NEDD4: variants seen among roughly 807,000 people sequenced by gnomAD.
The protein encoded by NEDD4 is E3 ubiquitin-protein ligase NEDD4.
A neutral mutation model predicts 144.9 loss-of-function variants in NEDD4; 99 were observed. That is an observed-to-expected ratio of 0.68 (90% CI 0.58 to 0.81). The LOEUF is 0.81. Ranked by LOEUF, NEDD4 falls within the 30% of genes least tolerant of loss-of-function variation. The pLI, the probability that NEDD4 is intolerant of heterozygous loss-of-function variation, is 0.00. For missense variants in NEDD4, 985 were observed against 1,065.9 expected (o/e 0.92, Z 1.06); for synonymous variants, 318 against 350.6 (o/e 0.91, Z 1.04).
At chr15:55,886,653 G>C (rs975947692) in intron 5 of NEDD4, among the ~76,000 whole-genome samples, 1 of 151,800 alleles carries the variant, frequency 6.6e-6, no homozygotes, top group Admixed American at 6.6e-5. Flanking sequence ...AGCTACTCGG[G>C]AGGCTGAGGC....
In NEDD4 at chr15:55,829,991, C is replaced by T. The variant is rs373654655; in HGVS notation, c.2609G>A (p.Arg870His). The T allele has an allele frequency of 6.8e-6, 11 of 1,610,610 alleles. No individual in the cohort carries two copies. The highest frequency in any genetic ancestry group is 6.7e-5 in the African/African-American group (5 of 74,770). ...TGATTCATAAGGTGGCAAGTCCAGG[C>T]GATTAAAACTGAAAGAACAGAGAGG... Reference protein sequence around the residue: ...KLPRAHTCFNRLDLPPYESFE... With the variant: ...KLPRAHTCFNHLDLPPYESFE... Residue 870 changes from arginine (R) to histidine (H), a missense_variant, in exon 29 of 29, where the codon CGC becomes CAC. Physicochemically the swap from Arg to His is conservative, Grantham distance 29. Coordinates refer to ENST00000435532, the MANE Select transcript of NEDD4 (RefSeq NM_006154.4).
intron 5 of NEDD4, among the ~76,000 whole-genome samples, chr15:55,888,363 A>G (rs1465098784): frequency 6.6e-6 from 1 of 152,200 alleles, no homozygotes; most frequent in Non-Finnish European, 1.5e-5. Flanking sequence ...ATAAATCAAG[A>G]AGGCAATCCT....
At chr15:55,845,909 C>T (rs909756152) in intron 18 of NEDD4, among the ~76,000 whole-genome samples, 7 of 151,518 alleles carry the variant, frequency 4.6e-5, no homozygotes, top group South Asian at 4.2e-4. Flanking sequence ...CCTCAGCCTC[C>T]GGAGTAGCCG....
chr15:55,943,349 G>C (rs1225984268), intron 4 of NEDD4, among the ~76,000 whole-genome samples: 1 of 152,156 alleles, frequency 6.6e-6, no homozygotes, highest in Admixed American at 6.5e-5. Context: ...CTTTGTGGCA[G>C]CTCCTCCTAT....
At chr15:55,856,689 G>C (rs1050102404) in intron 11 of NEDD4, among the ~76,000 whole-genome samples, 2 of 152,136 alleles carry the variant, frequency 1.3e-5, no homozygotes, top group Non-Finnish European at 1.5e-5. Flanking sequence ...AGAAAACAAT[G>C]CTTCCTGAAC....
chr15:55,915,001 G>C (rs1191985345), intron 5 of NEDD4, among the ~76,000 whole-genome samples: 2 of 151,990 alleles, frequency 1.3e-5, no homozygotes, highest in Non-Finnish European at 2.9e-5. Flanking sequence ...AGTTTGTTTT[G>C]TTGTAGAAAG....
At chr15:55,905,291 A>G (rs996712549) in intron 5 of NEDD4, 2 of 455,866 alleles carry the variant, frequency 4.4e-6, no homozygotes, top group South Asian at 1.6e-5. Flanking sequence ...GCTGTAAAAC[A>G]TAACTGGCAA....
chr15:55,848,260 C>A (rs903064246), intron 17 of NEDD4, 112 bp downstream of exon 17: 4 of 956,692 alleles, frequency 4.2e-6, no homozygotes, highest in Non-Finnish European at 6.7e-6. Context: ...GAGGAGAGAA[C>A]GGCCAATGTG....
At chr15:55,951,639 C>T (rs1270293753) in intron 2 of NEDD4, 50 bp from the exon 3 acceptor site, 3 of 1,337,432 alleles carry the variant, frequency 2.2e-6, no homozygotes, top group South Asian at 1.7e-5. Flanking sequence ...TATTGCTTAC[C>T]CCAAGCTCAG....
Position 55,862,951 on chromosome 15 carries a change from A to C in NEDD4, c.636T>G (p.His212Gln). The part of the protein sequence containing the change: ...DILGRTYYVN[H>Q]ESRRTQWKRP... ...TTTTCCACTGTGTTCTTCTAGATTC[A>C]TGGTTTACATAATAGGTCCTTCCAA... Residue 212 changes from histidine (H) to glutamine (Q), a missense_variant, in exon 9 of 29, where the codon CAT becomes CAG. Physicochemically the swap from His to Gln is conservative, Grantham distance 24. Transcript: ENST00000435532. 6.2e-7 allele frequency: 1 copy of C among 1,610,354 alleles called. No homozygotes were observed. The highest frequency in any genetic ancestry group is 8.5e-7 in the Non-Finnish European group (1 of 1,177,514).
Position 55,850,490 on chromosome 15 carries a change from T to C in NEDD4, c.1347+52A>G, listed in dbSNP as rs1350367282. On this transcript the variant is annotated intron_variant, in intron 14 of 28. Transcript: ENST00000435532. ...CTTAAAGATTTTAAGGAACTATACA[T>C]AAGAGATGATTATTGTTGTTATAAA... is the stretch of plus-strand genomic sequence containing the variant. 7.8e-6 allele frequency: 12 copies of C among 1,545,572 alleles called. No homozygotes were observed. The Admixed American group carries it at 1.9e-4, about 24-fold the overall frequency.
intron 5 of NEDD4, among the ~76,000 whole-genome samples, chr15:55,898,631 C>CTTT (rs34372143): frequency 5.5e-4 from 60 of 108,268 alleles, no homozygotes; most frequent in East Asian, 1.4e-3. Flanking sequence ...ACAAAAAGAA[C>CTTT]TTTTTTTTTT....
chr15:55,951,578 A>G lies in NEDD4; in HGVS notation c.131T>C (p.Val44Ala). 6.7e-7 allele frequency: 1 copy of G among 1,487,842 alleles called. No homozygotes were observed. The highest frequency in any genetic ancestry group is 8.9e-7 in the Non-Finnish European group (1 of 1,120,204). The allele number at this position is 1,487,842 out of a possible 1,614,324, so 92.2% of individuals were successfully genotyped here. A position where few individuals can be genotyped will look rare whatever the true frequency, so the allele number is the denominator to read the frequency against. The change falls in exon 3 of 29, where the codon GTG becomes GCG. Residue 44 changes from valine to alanine, a missense_variant. Coordinates refer to ENST00000435532, the MANE Select transcript of NEDD4 (RefSeq NM_006154.4). ...KDILGASDPYVRVTLYDPMNG... is the reference protein window; with the variant it reads ...KDILGASDPYARVTLYDPMNG... The stretch of plus-strand genomic sequence containing the variant: ...CATTGGGTCATATAACGTCACTCTC[A>G]CGTAAGGATCACTGTTAAAAAAAAA...
At chr15:55,841,773 G>A (rs368093506) in intron 19 of NEDD4, among the ~76,000 whole-genome samples, 161 bp downstream of exon 19, 48 of 152,156 alleles carry the variant, frequency 3.2e-4, no homozygotes, top group African/African-American at 7.7e-4. Flanking sequence ...GGGTTTCACC[G>A]TGTTAGCTAG....
intron 12 of NEDD4, among the ~76,000 whole-genome samples, 181 bp from the exon 13 acceptor site, chr15:55,852,724 T>TATATATATATATATATATATA (rs1566910889): frequency 2.3e-5 from 3 of 128,776 alleles, no homozygotes; most frequent in African/African-American, 8.5e-5. Flanking sequence ...TATATATATA[T>TATATATATATATATATATATA]TTACCTTTTC....
At chr15:55,847,085 T>A in intron 17 of NEDD4, 51 bp from the exon 18 acceptor site, 1 of 1,229,684 alleles carries the variant, frequency 8.1e-7, no homozygotes, top group Non-Finnish European at 1.2e-6. Context: ...GTTTTTATTC[T>A]GGAACAATTT....
chr15:55,901,822 G>A (rs2035923288), intron 5 of NEDD4, among the ~76,000 whole-genome samples: 1 of 152,028 alleles, frequency 6.6e-6, no homozygotes, highest in Non-Finnish European at 1.5e-5. Context: ...ATATAAGGTA[G>A]ATAATGAGAG....
At chr15:55,889,716 T>C (rs1217630455) in intron 5 of NEDD4, among the ~76,000 whole-genome samples, 2 of 151,912 alleles carry the variant, frequency 1.3e-5, no homozygotes, top group East Asian at 3.9e-4. Flanking sequence ...TTTGTTTTTT[T>C]TGGAGACAGA....
chr15:55,968,014 A>G (rs1440208642), intron 1 of NEDD4, among the ~76,000 whole-genome samples: 1 of 152,200 alleles, frequency 6.6e-6, no homozygotes, highest in African/African-American at 2.4e-5. Context: ...AAAAATTTAT[A>G]AAATATTGAA....
Sources: allele counts gnomAD v4.1 joint callset (sites outside exome capture counted in the v4.1 genomes callset), GRCh38; gene constraint gnomAD v4.1.1; transcripts MANE v1.5; gene names NCBI Gene and HGNC (gene_info 2026-07-23, HGNC 2026-07-21).